ATP10B: variants seen among roughly 807,000 people sequenced by gnomAD.
ATP10B encodes the protein phospholipid-transporting ATPase VB.
A neutral mutation model predicts 141.2 loss-of-function variants in ATP10B; 122 were observed. The ratio of observed to expected loss-of-function variants is 0.86; its 90% confidence interval spans 0.75 to 1.00. The LOEUF (loss-of-function observed/expected upper bound fraction) is 1.00. Ranked by LOEUF, ATP10B falls within the 50% of genes least tolerant of loss-of-function variation. The probability of loss-of-function intolerance (pLI) is 0.00; values close to 1 mark genes in which losing one functional copy is unlikely to be tolerated. For missense variants in ATP10B, 1,876 were observed against 1,825.3 expected (o/e 1.03, Z -0.51); for synonymous variants, 685 against 692.0 (o/e 0.99, Z 0.16).
At chr5:160,653,831 CATATATATTATATATACATATATAA>C (rs1414966461) in intron 7 of ATP10B, among the ~76,000 whole-genome samples, 2 of 124,484 alleles carry the variant, frequency 1.6e-5, no homozygotes, top group African/African-American at 6.3e-5. Flanking sequence ...GACGTATATA[CATATATATTATATATACATATATAA>C]ATATATATTA....
intron 1 of ATP10B, among the ~76,000 whole-genome samples, chr5:160,804,787 A>G (rs1214997821): frequency 1.3e-5 from 2 of 152,196 alleles, no homozygotes; most frequent in East Asian, 3.8e-4. Context: ...TTTTCCTTAT[A>G]AATAAAATAG....
chr5:160,615,722 C>T (rs758046050), intron 17 of ATP10B, 116 bp downstream of exon 17: 147 of 1,343,690 alleles, frequency 1.1e-4, no homozygotes, highest in Non-Finnish European at 1.5e-4. Context: ...TGGAAGGGAA[C>T]CCCAGGGAAG....
At chr5:160,922,180 C>T in the ATP10B span, among the ~76,000 whole-genome samples, 1 of 152,198 alleles carries the variant, frequency 6.6e-6, no homozygotes. Flanking sequence ...GAGGTAGATT[C>T]ACTGTGTAGA....
chr5:160,585,950 G>A (rs1225374876), intron 24 of ATP10B, among the ~76,000 whole-genome samples: 1 of 152,092 alleles, frequency 6.6e-6, no homozygotes, highest in Admixed American at 6.5e-5. Flanking sequence ...GGTACACATT[G>A]GAGCAGGATT....
At chr5:160,576,202 C>T (rs1319158570) in intron 24 of ATP10B, among the ~76,000 whole-genome samples, 8 of 152,158 alleles carry the variant, frequency 5.3e-5, no homozygotes, top group Admixed American at 4.6e-4. Context: ...ACAGTGTCTG[C>T]TCTGGATTGT....
At position 160,604,043 on chromosome 5, in the gene ATP10B, TGAAA is replaced by T. The variant is rs1484773961; in HGVS notation, c.3161-6_3161-3del. 3 of 1,613,246 alleles carry T rather than the reference TGAAA, an allele frequency of 1.9e-6. No individual in the cohort carries two copies. Among genetic ancestry groups the T allele is most frequent in the East Asian group, 4.5e-5 (2 of 44,874 alleles). On this transcript the variant is annotated splice_region_variant and splice_polypyrimidine_tract_variant and intron_variant, in intron 19 of 25. Coordinates refer to ENST00000327245, the MANE Select transcript of ATP10B (RefSeq NM_025153.3). ...TGCTTACATCATTTGCTCCATCACC[TGAAA>T]GAGAGGTCATAACGTGTCTTTATTT...
At chr5:160,845,459 C>T (rs751508806) in intron 1 of ATP10B, among the ~76,000 whole-genome samples, 19 of 152,078 alleles carry the variant, frequency 1.2e-4, no homozygotes, top group African/African-American at 2.4e-4. Flanking sequence ...AGGACCTTCT[C>T]GAAAGCTGGT....
At chr5:160,776,696 TTAA>T (rs148521426) in intron 2 of ATP10B, among the ~76,000 whole-genome samples, 131 of 152,316 alleles carry the variant, frequency 8.6e-4, no homozygotes, top group African/African-American at 3.1e-3. Flanking sequence ...GCTTTTGTTA[TTAA>T]TAAGTTTTTC....
intron 1 of ATP10B, among the ~76,000 whole-genome samples, chr5:160,813,727 AC>A (rs1471475236): frequency 6.6e-6 from 1 of 151,920 alleles, no homozygotes; most frequent in Non-Finnish European, 1.5e-5. Flanking sequence ...ACTTGGAAGC[AC>A]CCCCCAGTAG....
upstream of ATP10B, among the ~76,000 whole-genome samples, chr5:160,856,270 G>C (rs989658739): frequency 6.6e-6 from 1 of 151,656 alleles, no homozygotes; most frequent in African/African-American, 2.4e-5. Context: ...GTAGTTTTTA[G>C]CATATGAGTC....
At chr5:160,572,888 A>G (rs1022081637) in intron 24 of ATP10B, among the ~76,000 whole-genome samples, 2 of 152,250 alleles carry the variant, frequency 1.3e-5, no homozygotes, top group Non-Finnish European at 2.9e-5. Flanking sequence ...ATTAAGTCTT[A>G]CAGATACAAT....
chr5:160,649,245 G>A lies in ATP10B; in HGVS notation c.687C>T (p.Phe229=), dbSNP rs367545985. 7.4e-5 allele frequency: 120 copies of A among 1,613,520 alleles called. 1 individual carries two copies. The South Asian group carries it at 1.1e-3, about 15-fold the overall frequency. Residue 229 remains phenylalanine, a synonymous_variant, in exon 8 of 26, where the codon TTC becomes TTT. Coordinates refer to ENST00000327245, the MANE Select transcript of ATP10B (RefSeq NM_025153.3). ...TGGTATTGTGGAAAAGCTCTGGTTC[G>A]AACTGTACCTCCTGTGAGAGAGAGG... is the stretch of plus-strand genomic sequence containing the variant. The part of the protein sequence containing the change: ...VKGFSQQEVQ[F]EPELFHNTIV...
intron 1 of ATP10B, among the ~76,000 whole-genome samples, chr5:160,816,922 T>C (rs1332267943): frequency 6.6e-6 from 1 of 152,242 alleles, no homozygotes; most frequent in Admixed American, 6.5e-5. Flanking sequence ...TCTCAATAGA[T>C]GCACAAAAGG....
chr5:160,697,051 T>G (rs1286028148), intron 3 of ATP10B, among the ~76,000 whole-genome samples: 3 of 152,234 alleles, frequency 2.0e-5, no homozygotes, highest in African/African-American at 7.2e-5. Context: ...CTATATTTAT[T>G]AGAATACAAA....
intron 3 of ATP10B, among the ~76,000 whole-genome samples, chr5:160,703,236 C>T (rs1384424743): frequency 6.6e-6 from 1 of 151,928 alleles, no homozygotes; most frequent in African/African-American, 2.4e-5. Flanking sequence ...GGTTTGGTTC[C>T]AGAATACGAC....
chr5:160,801,439 C>A (rs567720603), intron 1 of ATP10B, among the ~76,000 whole-genome samples: 1 of 152,224 alleles, frequency 6.6e-6, no homozygotes, highest in Admixed American at 6.5e-5. Context: ...TCCTTTGCAG[C>A]TCTTACTACA....
At chr5:160,719,175 C>A (rs1247812963) in intron 2 of ATP10B, among the ~76,000 whole-genome samples, 2 of 152,094 alleles carry the variant, frequency 1.3e-5, no homozygotes, top group Admixed American at 6.5e-5. Context: ...CTGAGACGGG[C>A]GGATCACGAG....
At chr5:160,679,212 CA>C (rs1329445835) in intron 6 of ATP10B, among the ~76,000 whole-genome samples, 9 of 152,152 alleles carry the variant, frequency 5.9e-5, no homozygotes, top group Non-Finnish European at 1.2e-4. Flanking sequence ...GGTTGCAGGC[CA>C]GGCCAGGCTA....
intron 7 of ATP10B, among the ~76,000 whole-genome samples, chr5:160,651,215 C>T (rs72818514): frequency 0.037 from 5,642 of 152,206 alleles, 152 homozygotes; most frequent in Non-Finnish European, 0.053. Flanking sequence ...ATTTAAATCT[C>T]ATGGGCTGGG....
Sources: gnomAD v4.1 joint callset for allele counts (sites outside exome capture counted in the v4.1 genomes callset) on GRCh38, gnomAD v4.1.1 for gene constraint, MANE v1.5 for transcripts, NCBI Gene and HGNC (gene_info 2026-07-23, HGNC 2026-07-21) for gene names.